TSNAXIP1: variants seen among roughly 807,000 people sequenced by gnomAD.
TSNAXIP1 encodes the protein translin-associated factor X-interacting protein 1.
A neutral mutation model predicts 84.8 loss-of-function variants in TSNAXIP1; 89 were observed. That is an observed-to-expected ratio of 1.05 (90% confidence interval 0.88 to 1.25). The LOEUF (loss-of-function observed/expected upper bound fraction) is 1.25. Among genes scored for constraint, TSNAXIP1 ranks in the 50% most tolerant of loss-of-function variants. The probability of loss-of-function intolerance (pLI) is 0.00; values close to 1 mark genes in which losing one functional copy is unlikely to be tolerated. For missense variants in TSNAXIP1, 874 were observed against 887.6 expected (o/e 0.98, Z 0.20); for synonymous variants, 347 against 335.2 (o/e 1.04, Z -0.39).
At chr16:67,812,498 T>C (rs1260256424) in intron 1 of TSNAXIP1, among the ~76,000 whole-genome samples, 1 of 148,046 alleles carries the variant, frequency 6.8e-6, no homozygotes, top group Non-Finnish European at 1.5e-5. Flanking sequence ...AAACTCTATC[T>C]CTACTAAAAA....
At chr16:67,822,394 C>T (rs1000921223) in intron 4 of TSNAXIP1, among the ~76,000 whole-genome samples, 1 of 152,120 alleles carries the variant, frequency 6.6e-6, no homozygotes, top group Non-Finnish European at 1.5e-5. Flanking sequence ...GATGCTGTGC[C>T]CAGTCCCTGC....
At chr16:67,823,072 G>A (rs2057185644) in intron 4 of TSNAXIP1, among the ~76,000 whole-genome samples, 1 of 152,190 alleles carries the variant, frequency 6.6e-6, no homozygotes, top group South Asian at 2.1e-4. Context: ...GGCACAGAGT[G>A]GATGTCTGTC....
chr16:67,818,791 C>A (rs1344916245), intron 2 of TSNAXIP1, among the ~76,000 whole-genome samples: 1 of 151,334 alleles, frequency 6.6e-6, no homozygotes, highest in Non-Finnish European at 1.5e-5. Context: ...GTGGCCTCTG[C>A]CTCCAGGGTT....
chr16:67,825,588 A>G, intron 7 of TSNAXIP1, 79 bp from the exon 8 acceptor site: 5 of 1,527,988 alleles, frequency 3.3e-6, no homozygotes, highest in Non-Finnish European at 4.4e-6. Flanking sequence ...GGGAACCCCA[A>G]ACAGGAAGGG....
At chr16:67,827,131 GA>G in intron 13 of TSNAXIP1, 59 bp downstream of exon 13, 1 of 1,606,772 alleles carries the variant, frequency 6.2e-7, no homozygotes, top group Non-Finnish European at 8.5e-7. Flanking sequence ...CATCTGTAGG[GA>G]AAAGGGGCAC....
chr16:67,807,532 A>G (rs1159905068), intron 1 of TSNAXIP1: 2 of 637,302 alleles, frequency 3.1e-6, no homozygotes, highest in African/African-American at 1.9e-5. Flanking sequence ...TGGCACTACT[A>G]CGGCTCACTG....
chr16:67,814,411 A>G lies in TSNAXIP1; in HGVS notation c.147+10A>G, dbSNP rs1187302442. The G allele has an allele frequency of 3.9e-6, 6 of 1,534,794 alleles. No individual in the cohort carries two copies. In the Admixed American group the frequency reaches 1.2e-4, roughly 30 times the overall value. On this transcript the variant is annotated intron_variant, in intron 2 of 15. Transcript: ENST00000561639. ...GAAACGAAGGACGCTGGTTAGTGAC[A>G]ATGTTGTTTTGGAACCCCAAATGTC...
chr16:67,824,696 A>T lies in TSNAXIP1; in HGVS notation c.595A>T (p.Ile199Phe). Residue 199 changes from isoleucine (I) to phenylalanine (F), a missense_variant, in exon 6 of 16, where the codon ATC becomes TTC. Coordinates refer to ENST00000561639, the MANE Select transcript of TSNAXIP1 (RefSeq NM_001288990.3). ...CATGAGAGCTGAGGAGAAATATGAA[A>T]TCTCCCTGCTCAAGAAAGAGAAGAT... Reference protein sequence around the residue: ...LAMRAEEKYEISLLKKEKMNL... With the variant: ...LAMRAEEKYEFSLLKKEKMNL... The T allele has an allele frequency of 6.2e-7, 1 of 1,614,076 alleles. No individual in the cohort carries two copies.
intron 2 of TSNAXIP1, among the ~76,000 whole-genome samples, chr16:67,815,730 C>T (rs1021184895): frequency 6.6e-6 from 1 of 151,760 alleles, no homozygotes; most frequent in Admixed American, 6.6e-5. Context: ...AACTCCTGGG[C>T]TCAAGCTATC....
chr16:67,820,053 C>T (rs866160063), intron 2 of TSNAXIP1, among the ~76,000 whole-genome samples: 14 of 151,774 alleles, frequency 9.2e-5, no homozygotes, highest in African/African-American at 3.1e-4. Context: ...CTCCTGACCT[C>T]GTGATCCATC....
rs758301895 is a variant in TSNAXIP1, at chr16:67,827,077, G to C, written c.1664+5G>C. 6.2e-7 allele frequency: 1 copy of C among 1,613,666 alleles called. No individual in the cohort carries two copies. The highest frequency in any genetic ancestry group is 1.1e-5 in the South Asian group (1 of 91,062). On this transcript the variant is annotated splice_donor_5th_base_variant and intron_variant, in intron 13 of 15. Coordinates refer to ENST00000561639, the MANE Select transcript of TSNAXIP1 (RefSeq NM_001288990.3). The stretch of plus-strand genomic sequence containing the variant: ...ACTAACCATGGAGCAGTTCAAGTGA[G>C]AGGCCAGTCCAGGCTACCCCCAACT...
Position 67,815,491 on chromosome 16 carries a change from A to G in TSNAXIP1, c.147+1090A>G, listed in dbSNP as rs141610932. ...GCTGGAACTATAGGCACATGCCACC[A>G]TACCCAGCTAATTTTTTTGGCAGGG... is the stretch of plus-strand genomic sequence containing the variant. On this transcript the variant is annotated intron_variant, in intron 2 of 15. Coordinates refer to ENST00000561639, the MANE Select transcript of TSNAXIP1 (RefSeq NM_001288990.3). 6.5e-3 allele frequency among the ~76,000 whole-genome samples: 988 copies of G among 152,014 alleles called. 6 individuals are homozygous for G. Among genetic ancestry groups the G allele is most frequent in the Middle Eastern group, 0.014 (4 of 294 alleles).
chr16:67,820,843 G>A lies in TSNAXIP1; in HGVS notation c.152G>A (p.Gly51Asp). ...KLLQKRRTLT[G>D]QFSMGGHLSP... ...CCCACCTGTACCTCCCTGCAGACTG[G>A]TCAGTTCTCCATGGGTGGGCACCTG... is the stretch of plus-strand genomic sequence containing the variant. The change falls in exon 3 of 16, where the codon GGT becomes GAT. Residue 51 changes from glycine (G) to aspartate (D), a missense_variant. By Grantham distance (94) the Gly-to-Asp change is moderately conservative. Transcript: ENST00000561639. The A allele has an allele frequency of 6.5e-7, 1 of 1,542,036 alleles. No homozygotes were observed. The highest frequency in any genetic ancestry group is 1.3e-5 in the South Asian group (1 of 78,984).
At chr16:67,818,762 C>T (rs1185712232) in intron 2 of TSNAXIP1, among the ~76,000 whole-genome samples, 3 of 148,452 alleles carry the variant, frequency 2.0e-5, no homozygotes, top group Admixed American at 6.8e-5. Flanking sequence ...GGAGTACAGT[C>T]GTGCCATGTC....
At chr16:67,826,904 C>G in intron 12 of TSNAXIP1, 59 bp from the exon 13 acceptor site, 1 of 1,612,410 alleles carries the variant, frequency 6.2e-7, no homozygotes, top group Non-Finnish European at 8.5e-7. Flanking sequence ...CTAGCATAGA[C>G]CAGCTTTGCC....
At chr16:67,818,208 C>CA (rs1237588833) in intron 2 of TSNAXIP1, among the ~76,000 whole-genome samples, 3 of 151,436 alleles carry the variant, frequency 2.0e-5, no homozygotes, top group Non-Finnish European at 2.9e-5. Context: ...GACTCAGTCT[C>CA]AAAAAAATAA....
Position 67,818,742 on chromosome 16 carries a change from C to T in TSNAXIP1, c.148-2097C>T, listed in dbSNP as rs75334109. ...TTTTTGAGACAGAGTCTCTCTCTGT[C>T]GCCCAGACTGGAGTACAGTCGTGCC... On this transcript the variant is annotated intron_variant, in intron 2 of 15. Coordinates refer to ENST00000561639, the MANE Select transcript of TSNAXIP1 (RefSeq NM_001288990.3). 1.1e-3 allele frequency among the ~76,000 whole-genome samples: 169 copies of T among 147,780 alleles called. 2 individuals carry two copies. In the East Asian group the frequency reaches 0.028, roughly 24 times the overall value.
Position 67,827,008 on chromosome 16 carries a change from C to A in TSNAXIP1, c.1600C>A (p.Leu534Met). Residue 534 changes from leucine (L) to methionine (M), a missense_variant, in exon 13 of 16, where the codon CTG becomes ATG. Coordinates refer to ENST00000561639, the MANE Select transcript of TSNAXIP1 (RefSeq NM_001288990.3). ...CACCCAGAAGGAGACAGTAGCCCAG[C>A]TGCTGAAGGAGATGACAAATGCTGA... ...YVTQKETVAQ[L>M]LKEMTNADSQ... 6.2e-7 allele frequency: 1 copy of A among 1,614,186 alleles called. No individual in the cohort carries two copies. Among genetic ancestry groups the A allele is most frequent in the South Asian group, 1.1e-5 (1 of 91,076 alleles).
chr16:67,825,947 G>T lies in TSNAXIP1; in HGVS notation c.1015G>T (p.Val339Phe). ...CACCCTGAGAGCCAGCTACGAGGAGGTTCGCAAGGAGCATGAGATCCTCAT... is the reference window on the plus strand; with the variant it reads ...CACCCTGAGAGCCAGCTACGAGGAGTTTCGCAAGGAGCATGAGATCCTCAT... Reference protein sequence around the residue: ...LDTLRASYEEVRKEHEILMQL... With the variant: ...LDTLRASYEEFRKEHEILMQL... Residue 339 changes from valine (V) to phenylalanine (F), a missense_variant, in exon 9 of 16, where the codon GTT becomes TTT. Transcript: ENST00000561639. The T allele has an allele frequency of 1.2e-6, 2 of 1,614,108 alleles. No homozygotes were observed. Among genetic ancestry groups the T allele is most frequent in the Non-Finnish European group, 1.7e-6 (2 of 1,180,026 alleles).
Sources: allele counts gnomAD v4.1 joint callset (sites outside exome capture counted in the v4.1 genomes callset), GRCh38; gene constraint gnomAD v4.1.1; transcripts MANE v1.5; gene names NCBI Gene and HGNC (gene_info 2026-07-23, HGNC 2026-07-21).